SOX5: variants seen among roughly 807,000 people sequenced by gnomAD.
SOX5 encodes transcription factor SOX-5.
Under a neutral mutation model 92.0 loss-of-function variants are expected in SOX5, and 9 were observed. That is an observed-to-expected ratio of 0.10 (90% CI 0.06 to 0.17). The LOEUF (loss-of-function observed/expected upper bound fraction) is 0.17. Ranked by LOEUF, SOX5 falls within the 10% of genes least tolerant of loss-of-function variation. The pLI, the probability that SOX5 is intolerant of heterozygous loss-of-function variation, is 1.00. For synonymous variants in SOX5, 344 were observed against 336.3 expected (o/e 1.02, Z -0.25); for missense variants, 642 against 944.5 (o/e 0.68, Z 4.20).
rs2135818331 is a variant in SOX5 at position 23,532,495 on chromosome 12, C to T, written c.*1724G>A. On this transcript the variant is annotated 3_prime_UTR_variant, in exon 15 of 15. Coordinates refer to ENST00000451604, the MANE Select transcript of SOX5 (RefSeq NM_006940.6). ...TGATTTTGCATTTATTTGTACAGGC[C>T]CTACAACTGCCTTGGCATTTGGCTG... 6.6e-6 allele frequency: 1 copy of T among 152,296 alleles called. No homozygotes were observed. The highest frequency in any genetic ancestry group is 2.4e-5 in the African/African-American group (1 of 41,550). 9.4% of individuals were successfully genotyped at this position (152,296 alleles called of 1,614,324 possible).
At chr12:23,820,520 T>C (rs192792767) in intron 3 of SOX5, among the ~76,000 whole-genome samples, 5 of 152,342 alleles carry the variant, frequency 3.3e-5, no homozygotes, top group Admixed American at 2.0e-4. Flanking sequence ...CTGAATTGTA[T>C]TGACTAGGTT....
At chr12:24,206,727 C>G (rs1958057330) in intron 4 of SOX5, among the ~76,000 whole-genome samples, 1 of 152,176 alleles carries the variant, frequency 6.6e-6, no homozygotes, top group East Asian at 1.9e-4. Flanking sequence ...CCTGATCTCT[C>G]CCCATTCAGA....
At chr12:24,011,521 T>C (rs138541178) in intron 4 of SOX5, among the ~76,000 whole-genome samples, 3,562 of 152,330 alleles carry the variant, frequency 0.023, 75 homozygotes, top group Non-Finnish European at 0.035. Flanking sequence ...GATTCCATAT[T>C]TTTTGTTAAC....
Position 23,691,304 on chromosome 12 carries a change from A to T in SOX5, c.811-25740T>A, listed in dbSNP as rs373056666. On this transcript the variant is annotated intron_variant, in intron 6 of 14. Transcript: ENST00000451604. Reference sequence around the variant, plus strand: ...TTTCTGTCTTCTTTAGATTATCACAATTCTAGCCTTTAAATTGATATGCAG... The same window carrying T: ...TTTCTGTCTTCTTTAGATTATCACATTTCTAGCCTTTAAATTGATATGCAG... Among the ~76,000 whole-genome samples, 12 of 152,332 alleles carry T rather than the reference A, an allele frequency of 7.9e-5. No individual in the cohort carries two copies. The East Asian group carries it at 2.3e-3, about 29-fold the overall frequency.
intron 4 of SOX5, among the ~76,000 whole-genome samples, chr12:23,747,705 T>A (rs190308700): frequency 6.6e-6 from 1 of 152,194 alleles, no homozygotes; most frequent in Non-Finnish European, 1.5e-5. Context: ...TGGTCTTGCC[T>A]CCATCTTCTA....
intron 1 of SOX5, among the ~76,000 whole-genome samples, chr12:24,554,234 T>C (rs868536014): frequency 2.0e-5 from 3 of 152,166 alleles, no homozygotes; most frequent in Admixed American, 6.5e-5. Flanking sequence ...GATTTTGCCA[T>C]AGTTCCTAAA....
intron 2 of SOX5, among the ~76,000 whole-genome samples, chr12:23,856,318 G>T (rs550445030): frequency 1.2e-3 from 180 of 152,152 alleles, no homozygotes; most frequent in African/African-American, 4.1e-3. Context: ...GACATAAAAA[G>T]CACCTTTACA....
At position 24,134,732 on chromosome 12, in the gene SOX5, C is replaced by T. The variant is rs186501206; in HGVS notation, c.-2+78611G>A. 7.9e-5 allele frequency among the ~76,000 whole-genome samples: 12 copies of T among 152,226 alleles called. No homozygotes were observed. The East Asian group carries it at 2.3e-3, about 29-fold the overall frequency. ...AATTGAACAAAAACACAGAATTACC[C>T]AGTGACGCAAGGCAAAGAAAGCTGC... On this transcript the variant is annotated intron_variant, in intron 4 of 4. Coordinates refer to the SOX5 transcript ENST00000446891.
At chr12:24,074,831 C>G (rs770017202) in intron 4 of SOX5, among the ~76,000 whole-genome samples, 46 of 152,058 alleles carry the variant, frequency 3.0e-4, no homozygotes, top group Non-Finnish European at 5.0e-4. Context: ...AATGACTCTA[C>G]TGTATAACTT....
At chr12:23,893,120 C>T (rs1334032984) in intron 2 of SOX5, among the ~76,000 whole-genome samples, 3 of 152,142 alleles carry the variant, frequency 2.0e-5, no homozygotes, top group Non-Finnish European at 2.9e-5. Context: ...GGCAGTTCAT[C>T]GTTTTTTAGT....
intron 1 of SOX5, among the ~76,000 whole-genome samples, chr12:24,400,573 T>C (rs1229652816): frequency 1.3e-5 from 2 of 152,220 alleles, no homozygotes; most frequent in Non-Finnish European, 2.9e-5. Context: ...TCAAAATTAT[T>C]CCAATGCATG....
intron 4 of SOX5, among the ~76,000 whole-genome samples, chr12:23,976,406 C>CAAAAAAAAAAAAAAA (rs869250917): frequency 1.1e-4 from 4 of 37,860 alleles, no homozygotes; most frequent in Non-Finnish European, 9.8e-5. Flanking sequence ...AACAAAAAAA[C>CAAAAAAAAAAAAAAA]AAAAAAAAAA....
intron 4 of SOX5, among the ~76,000 whole-genome samples, chr12:24,124,106 T>C (rs1381798410): frequency 6.6e-6 from 1 of 152,224 alleles, no homozygotes; most frequent in East Asian, 1.9e-4. Context: ...TTTTTCTTTT[T>C]TTAATTAAGA....
At chr12:23,747,256 T>C (rs1286551108) in intron 4 of SOX5, among the ~76,000 whole-genome samples, 1 of 152,146 alleles carries the variant, frequency 6.6e-6, no homozygotes, top group African/African-American at 2.4e-5. Context: ...TACTCCTTAA[T>C]CCAGGCCACT....
intron 8 of SOX5, among the ~76,000 whole-genome samples, chr12:23,609,523 GGAAAA>G (rs1395555790): frequency 6.6e-6 from 1 of 151,754 alleles, no homozygotes; most frequent in Non-Finnish European, 1.5e-5. Context: ...AATTAACTGG[GGAAAA>G]GAAAAGACAA....
intron 3 of SOX5, among the ~76,000 whole-genome samples, chr12:23,786,543 CAAA>C (rs34782173): frequency 7.1e-5 from 9 of 126,946 alleles, no homozygotes; most frequent in Non-Finnish European, 6.8e-5. Context: ...GACTCCATCT[CAAA>C]AAAAAAAAAA....
chr12:24,159,301 C>A (rs1952515304), intron 4 of SOX5, among the ~76,000 whole-genome samples: 1 of 151,852 alleles, frequency 6.6e-6, no homozygotes, highest in African/African-American at 2.4e-5. Flanking sequence ...AAACAAGGTC[C>A]CTGCTTCTCT....
intron 3 of SOX5, among the ~76,000 whole-genome samples, chr12:23,763,511 A>T (rs1352767274): frequency 6.6e-6 from 1 of 152,146 alleles, no homozygotes; most frequent in Non-Finnish European, 1.5e-5. Context: ...CATTCCTATG[A>T]CTTCTTCAGT....
At chr12:24,092,495 A>T (rs987655635) in intron 4 of SOX5, among the ~76,000 whole-genome samples, 1 of 152,200 alleles carries the variant, frequency 6.6e-6, no homozygotes, top group African/African-American at 2.4e-5. Flanking sequence ...ATGCTTCACC[A>T]ATAAATGCCG....
Sources: allele counts gnomAD v4.1 joint callset (sites outside exome capture counted in the v4.1 genomes callset), GRCh38; gene constraint gnomAD v4.1.1; transcripts MANE v1.5; gene names NCBI Gene and HGNC (gene_info 2026-07-23, HGNC 2026-07-21).